MSI2: variants seen among roughly 807,000 people sequenced by gnomAD.
The protein encoded by MSI2 is RNA-binding protein Musashi homolog 2.
Under a neutral mutation model 45.6 loss-of-function variants are expected in MSI2, and 17 were observed. The observed-to-expected ratio is 0.37, with a 90% CI of 0.26 to 0.56. MSI2 has a LOEUF of 0.56. Among genes scored for constraint, MSI2 ranks in the 20% least tolerant of loss-of-function variants. MSI2 has a pLI of 0.77. For synonymous variants in MSI2, 156 were observed against 158.2 expected (o/e 0.99, Z 0.11); for missense variants, 293 against 444.2 (o/e 0.66, Z 3.06).
At chr17:57,566,367 T>C (rs2087732451) in intron 7 of MSI2, among the ~76,000 whole-genome samples, 1 of 152,194 alleles carries the variant, frequency 6.6e-6, no homozygotes, top group Non-Finnish European at 1.5e-5. Flanking sequence ...TTTGATTATA[T>C]AATCAATTAT....
At chr17:57,411,215 G>A (rs368994855) in intron 6 of MSI2, among the ~76,000 whole-genome samples, 28 of 152,108 alleles carry the variant, frequency 1.8e-4, no homozygotes, top group Admixed American at 7.2e-4. Context: ...CCGTGTTGCC[G>A]AGGCTGGTCT....
intron 5 of MSI2, among the ~76,000 whole-genome samples, chr17:57,311,729 A>T (rs1410468970): frequency 6.6e-6 from 1 of 151,896 alleles, no homozygotes; most frequent in African/African-American, 2.4e-5. Flanking sequence ...AATTTTTAAA[A>T]TTTTTTTGCA....
intron 6 of MSI2, among the ~76,000 whole-genome samples, chr17:57,511,438 A>T (rs2086353190): frequency 6.6e-6 from 1 of 152,146 alleles, no homozygotes; most frequent in South Asian, 2.1e-4. Flanking sequence ...ATTAAGCTGG[A>T]ATAGTCATCT....
intron 5 of MSI2, among the ~76,000 whole-genome samples, chr17:57,387,167 T>C (rs1365350467): frequency 6.6e-6 from 1 of 152,230 alleles, no homozygotes; most frequent in Non-Finnish European, 1.5e-5. Flanking sequence ...AATATATCTT[T>C]TCCTTTTTTC....
Position 57,675,057 on chromosome 17 carries a change from C to A in MSI2, c.876C>A (p.Asp292Glu), listed in dbSNP as rs756908636. The A allele has an allele frequency of 1.4e-5, 23 of 1,614,010 alleles. No homozygotes were observed. In the Admixed American group the frequency reaches 3.8e-4, roughly 27 times the overall value. The part of the protein sequence containing the change: ...VADLYGPASQ[D>E]SGVGNYISAA... The stretch of plus-strand genomic sequence containing the variant: ...ATCTCTACGGCCCTGCCAGCCAGGA[C>A]TCCGGAGTGGGGAATTACATAAGTG... The change falls in exon 12 of 14, where the codon GAC (aspartate) becomes GAA (glutamate). Residue 292 changes from aspartate to glutamate, a missense_variant. Asp to Glu is a conservative substitution (Grantham distance 45). Transcript: ENST00000284073.
intron 5 of MSI2, among the ~76,000 whole-genome samples, chr17:57,332,699 AAG>A (rs1398523285): frequency 2.0e-5 from 3 of 152,310 alleles, no homozygotes; most frequent in East Asian, 3.9e-4. Flanking sequence ...GAGAGAGAGA[AAG>A]AGAGCGAGGC....
At chr17:57,459,046 G>C (rs1245051543) in intron 6 of MSI2, among the ~76,000 whole-genome samples, 1 of 152,200 alleles carries the variant, frequency 6.6e-6, no homozygotes, top group Non-Finnish European at 1.5e-5. Context: ...GGATGGATGG[G>C]AGCTTGGCAG....
rs76823904 is a variant in MSI2 at position 57,353,599 on chromosome 17, A to G, written c.313-47780A>G. On this transcript the variant is annotated intron_variant, in intron 5 of 13. Transcript: ENST00000284073. ...AGATGTAGGTGGTACCAGTGATGCCATTTCTCTTGTAGGAGCATTTGCTGA... is the reference window on the plus strand; with the variant it reads ...AGATGTAGGTGGTACCAGTGATGCCGTTTCTCTTGTAGGAGCATTTGCTGA... 9.0e-4 allele frequency among the ~76,000 whole-genome samples: 137 copies of G among 152,232 alleles called. 1 individual carries two copies. Among genetic ancestry groups the G allele is most frequent in the African/African-American group, 3.1e-3 (129 of 41,532 alleles).
At chr17:57,539,827 A>G (rs141397154) in intron 7 of MSI2, among the ~76,000 whole-genome samples, 1 of 152,238 alleles carries the variant, frequency 6.6e-6, no homozygotes, top group Non-Finnish European at 1.5e-5. Context: ...CCAGGAGCTC[A>G]AAGTGCTTCG....
At chr17:57,469,305 CA>C (rs1397362272) in intron 6 of MSI2, among the ~76,000 whole-genome samples, 1 of 152,154 alleles carries the variant, frequency 6.6e-6, no homozygotes, top group East Asian at 1.9e-4. Flanking sequence ...ACAAGAAAAC[CA>C]ATTATTTTTC....
At chr17:57,582,443 T>A (rs529342114) in intron 7 of MSI2, among the ~76,000 whole-genome samples, 8 of 152,268 alleles carry the variant, frequency 5.3e-5, no homozygotes, top group African/African-American at 1.9e-4. Flanking sequence ...ATATTTTTAT[T>A]ACTTTAGAGA....
At chr17:57,525,811 T>A (rs1031150213) in intron 6 of MSI2, among the ~76,000 whole-genome samples, 1 of 152,212 alleles carries the variant, frequency 6.6e-6, no homozygotes, top group Admixed American at 6.5e-5. Flanking sequence ...AGGTGCCCAT[T>A]TCAGGTACAA....
intron 5 of MSI2, among the ~76,000 whole-genome samples, chr17:57,344,889 C>T (rs1567770379): frequency 6.6e-6 from 1 of 152,130 alleles, no homozygotes; most frequent in Non-Finnish European, 1.5e-5. Context: ...ATGGTGAAAC[C>T]CCGTCCCTAC....
At chr17:57,597,385 C>T (rs1036363086) in intron 8 of MSI2, among the ~76,000 whole-genome samples, 14 of 147,466 alleles carry the variant, frequency 9.5e-5, no homozygotes, top group African/African-American at 3.5e-4. Context: ...AACCTCTGCA[C>T]TTTAGAAGGC....
chr17:57,686,985 CAAAT>C (rs1226457938), downstream of MSI2, among the ~76,000 whole-genome samples: 1 of 148,432 alleles, frequency 6.7e-6, no homozygotes, highest in Non-Finnish European at 1.5e-5. Context: ...ACATAAAAAT[CAAAT>C]AAATTTTGGC....
intron 6 of MSI2, among the ~76,000 whole-genome samples, chr17:57,439,194 T>C (rs1052397621): frequency 6.6e-6 from 1 of 152,164 alleles, no homozygotes; most frequent in African/African-American, 2.4e-5. Flanking sequence ...GTCCCTCTGG[T>C]TGATGCTGGG....
intron 5 of MSI2, chr17:57,266,064 T>C (rs1333443403): frequency 6.6e-6 from 1 of 152,252 alleles, no homozygotes; most frequent in Non-Finnish European, 1.5e-5. Flanking sequence ...TCCCATCTTT[T>C]CCCAATTGCC....
chr17:57,303,408 A>T (rs533807021), intron 5 of MSI2, among the ~76,000 whole-genome samples: 1 of 152,354 alleles, frequency 6.6e-6, no homozygotes, highest in African/African-American at 2.4e-5. Context: ...TTCCCAAGTG[A>T]GAAAGCATGT....
At chr17:57,551,228 G>A (rs565719871) in intron 7 of MSI2, among the ~76,000 whole-genome samples, 48 of 152,238 alleles carry the variant, frequency 3.2e-4, no homozygotes, top group Middle Eastern at 3.4e-3. Flanking sequence ...GACAAAAGGA[G>A]CAATATTATG....
Sources: allele counts gnomAD v4.1 joint callset (sites outside exome capture counted in the v4.1 genomes callset), GRCh38; gene constraint gnomAD v4.1.1; transcripts MANE v1.5; gene names NCBI Gene and HGNC (gene_info 2026-07-23, HGNC 2026-07-21).